The following MYO18B variants were observed in gnomAD, a reference collection of about 807,000 sequenced individuals.
MYO18B encodes unconventional myosin-XVIIIb.
MYO18B carries 204 observed loss-of-function variants against 273.0 expected under a neutral mutation model. The observed-to-expected ratio is 0.75, with a 90% CI of 0.67 to 0.84. The LOEUF is 0.84. Ranked by LOEUF, MYO18B falls within the 40% of genes least tolerant of loss-of-function variation. The pLI is 0.00. For synonymous variants in MYO18B, 1,330 were observed against 1,305.7 expected (o/e 1.02, Z -0.40); for missense variants, 3,212 against 3,287.6 (o/e 0.98, Z 0.56).
the MYO18B span, among the ~76,000 whole-genome samples, chr22:26,038,052 G>A: frequency 6.6e-6 from 1 of 152,220 alleles, no homozygotes; most frequent in African/African-American, 2.4e-5. Context: ...GCAGAAACAG[G>A]ACCAGAGAAG....
intron 42 of MYO18B, among the ~76,000 whole-genome samples, chr22:26,007,883 A>G (rs1934562071): frequency 6.6e-6 from 1 of 152,218 alleles, no homozygotes; most frequent in Admixed American, 6.5e-5. Flanking sequence ...GCCCTTGGCC[A>G]CCACTGCAGT....
intron 12 of MYO18B, among the ~76,000 whole-genome samples, chr22:25,821,179 A>G (rs1394051198): frequency 1.3e-5 from 2 of 152,214 alleles, no homozygotes; most frequent in Admixed American, 1.3e-4. Flanking sequence ...CTTGGGATAA[A>G]TGCCCAGTAG....
At chr22:25,977,889 G>A (rs1427873732) in intron 39 of MYO18B, among the ~76,000 whole-genome samples, 6 of 152,198 alleles carry the variant, frequency 3.9e-5, no homozygotes, top group African/African-American at 1.4e-4. Context: ...GGGTCAAGTG[G>A]GTGACAAGAC....
chr22:25,760,010 C>T (rs1001756179), intron 1 of MYO18B, among the ~76,000 whole-genome samples: 11 of 152,156 alleles, frequency 7.2e-5, no homozygotes, highest in Admixed American at 1.3e-4. Context: ...TTTCTCCAAG[C>T]GTGGGACAGA....
chr22:25,777,169 T>C (rs2086946131), intron 7 of MYO18B, among the ~76,000 whole-genome samples: 1 of 152,240 alleles, frequency 6.6e-6, no homozygotes, highest in African/African-American at 2.4e-5. Flanking sequence ...CACATACCAC[T>C]AACTCCCCCA....
Position 25,802,732 on chromosome 22 carries a change from G to A in MYO18B, c.2521+4635G>A, listed in dbSNP as rs182911975. On this transcript the variant is annotated intron_variant, in intron 12 of 43. Coordinates refer to ENST00000335473, the MANE Select transcript of MYO18B (RefSeq NM_032608.7). ...CGCGCTGCTGCACTCCAGCCTGGGC[G>A]ACAGAGCAAGACTCTGTCTCAAAAA... is the stretch of plus-strand genomic sequence containing the variant. Among the ~76,000 whole-genome samples, 301 of 124,470 alleles carry A rather than the reference G, an allele frequency of 2.4e-3. 3 individuals are homozygous for A. Among genetic ancestry groups the A allele is most frequent in the African/African-American group, 9.1e-3 (291 of 32,064 alleles). The allele number at this position is 124,470 out of a possible 152,430, so 81.7% of individuals were successfully genotyped here.
chr22:25,868,506 G>A (rs890789690), intron 22 of MYO18B, 121 bp downstream of exon 22: 11 of 798,094 alleles, frequency 1.4e-5, no homozygotes, highest in African/African-American at 1.2e-4. Context: ...CCAAACTGAA[G>A]GTAGAGCTAA....
At chr22:25,853,654 G>A (rs1287285433) in intron 21 of MYO18B, among the ~76,000 whole-genome samples, 1 of 152,116 alleles carries the variant, frequency 6.6e-6, no homozygotes, top group Non-Finnish European at 1.5e-5. Context: ...CAGGAGTCAG[G>A]TGTGGGGGAG....
the MYO18B span, among the ~76,000 whole-genome samples, chr22:26,046,410 T>C: frequency 1.3e-5 from 2 of 152,214 alleles, no homozygotes; most frequent in Non-Finnish European, 2.9e-5. Context: ...CCATGACAGA[T>C]GTGAAAGCCT....
chr22:25,892,993 G>A (rs1276789205), intron 27 of MYO18B, among the ~76,000 whole-genome samples: 1 of 152,174 alleles, frequency 6.6e-6, no homozygotes, highest in Non-Finnish European at 1.5e-5. Context: ...TAGCTCATGG[G>A]CACATTAGTC....
rs2086597053 is a variant in MYO18B, at chr22:25,768,605, C to G, written c.689C>G (p.Ala230Gly). 1 of 1,525,976 alleles carries G rather than the reference C, an allele frequency of 6.6e-7. No homozygotes were observed. The highest frequency in any genetic ancestry group is 8.8e-7 in the Non-Finnish European group (1 of 1,141,504). 94.5% of individuals were successfully genotyped at this position (1,525,976 alleles called of 1,614,324 possible). ...GGGGACCCAGGCCAAGGAACTGTGG[C>G]ACTGAAAAAAGGCGAGGAGGGTCAA... ...GLGDPGQGTV[A>G]LKKGEEGQSI... The change falls in exon 4 of 44, where the codon GCA (alanine) becomes GGA (glycine). Residue 230 changes from alanine (A) to glycine (G), a missense_variant. Ala to Gly is a moderately conservative substitution (Grantham distance 60). Transcript: ENST00000335473.
At chr22:25,961,318 T>G (rs963669343) in intron 39 of MYO18B, among the ~76,000 whole-genome samples, 1 of 152,174 alleles carries the variant, frequency 6.6e-6, no homozygotes, top group Non-Finnish European at 1.5e-5. Context: ...CTGCTTCCTA[T>G]GGCCTACAAG....
chr22:25,809,998 TAAA>T (rs200815599), intron 12 of MYO18B, among the ~76,000 whole-genome samples: 1 of 139,972 alleles, frequency 7.1e-6, no homozygotes, highest in Non-Finnish European at 1.6e-5. Context: ...ATAGAAAGTT[TAAA>T]AAAAAAAAAA....
Position 25,952,428 on chromosome 22 carries a change from G to T in MYO18B, c.5970+5G>T. 3 of 1,612,840 alleles carry T rather than the reference G, an allele frequency of 1.9e-6. No homozygotes were observed. The highest frequency in any genetic ancestry group is 2.5e-6 in the Non-Finnish European group (3 of 1,179,552). The stretch of plus-strand genomic sequence containing the variant: ...GTGCAGATTAAGAGATTTGAGGTAC[G>T]TAGTGATTCATAAATAGTGCCTGGG... On this transcript the variant is annotated splice_donor_5th_base_variant and intron_variant, in intron 38 of 43. Coordinates refer to ENST00000335473, the MANE Select transcript of MYO18B (RefSeq NM_032608.7).
At chr22:25,999,589 C>A (rs1421787361) in intron 40 of MYO18B, among the ~76,000 whole-genome samples, 6 of 122,138 alleles carry the variant, frequency 4.9e-5, no homozygotes, top group Non-Finnish European at 1.0e-4. Flanking sequence ...TCCTCCTCCT[C>A]TTCCTCCTTT....
intron 39 of MYO18B, 24 bp downstream of exon 39, chr22:25,955,388 C>A: frequency 6.3e-7 from 1 of 1,588,170 alleles, no homozygotes; most frequent in Non-Finnish European, 8.6e-7. Context: ...CCATCATGGG[C>A]TCTTAGCGAC....
intron 29 of MYO18B, chr22:25,900,588 G>A (rs547529103): frequency 6.6e-6 from 1 of 152,270 alleles, no homozygotes; most frequent in East Asian, 1.9e-4. Flanking sequence ...TGAAATTCCG[G>A]GTAAGCCCTG....
chr22:26,060,833 TATACAC>T, the MYO18B span, among the ~76,000 whole-genome samples: 12 of 99,364 alleles, frequency 1.2e-4, no homozygotes, highest in African/African-American at 9.6e-4. Context: ...CATATATACA[TATACAC>T]AATATACACA....
chr22:25,865,636 A>T (rs577948445), intron 21 of MYO18B, among the ~76,000 whole-genome samples: 2 of 152,274 alleles, frequency 1.3e-5, no homozygotes, highest in East Asian at 3.9e-4. Flanking sequence ...TTCTGAATGG[A>T]GTCTGAGGCT....
Sources: allele counts gnomAD v4.1 joint callset (sites outside exome capture counted in the v4.1 genomes callset), GRCh38; gene constraint gnomAD v4.1.1; transcripts MANE v1.5; gene names NCBI Gene and HGNC (gene_info 2026-07-23, HGNC 2026-07-21).